Variants in MAML3 observed in about 807,000 individuals in gnomAD.
MAML3 encodes the protein mastermind-like protein 3.
In MAML3, 27 loss-of-function variants were observed where a neutral mutation model predicts 101.9. The observed-to-expected ratio is 0.27, with a 90% confidence interval of 0.20 to 0.37. MAML3 has a LOEUF of 0.37. Ranked by LOEUF, MAML3 falls within the 10% of genes least tolerant of loss-of-function variation. The pLI is 1.00. For synonymous variants in MAML3, 501 were observed against 555.9 expected (o/e 0.90, Z 1.39); for missense variants, 1,316 against 1,444.9 (o/e 0.91, Z 1.45).
intron 2 of MAML3, among the ~76,000 whole-genome samples, chr4:139,862,141 G>A (rs960530024): frequency 3.9e-5 from 6 of 152,156 alleles, no homozygotes; most frequent in South Asian, 2.1e-4. Context: ...CCTGGGAGAC[G>A]GAGGTTGCAG....
chr4:139,730,152 T>TCCTTTCC, intron 3 of MAML3: 1 of 542,428 alleles, frequency 1.8e-6, no homozygotes, highest in Non-Finnish European at 3.3e-6. Context: ...GGAGTCAGAC[T>TCCTTTCC]TGAATCAAAG....
At chr4:139,973,399 G>A (rs1263713772) in intron 1 of MAML3, among the ~76,000 whole-genome samples, 1 of 152,232 alleles carries the variant, frequency 6.6e-6, no homozygotes, top group African/African-American at 2.4e-5. Flanking sequence ...ATTCAAAACA[G>A]TGCTGAATCT....
At chr4:140,103,965 G>T (rs56028824) in intron 1 of MAML3, among the ~76,000 whole-genome samples, 26,690 of 151,964 alleles carry the variant, frequency 0.18, 2,912 homozygotes, top group Middle Eastern at 0.35. Flanking sequence ...CCATCCTATT[G>T]TTCAGGAAAT....
intron 2 of MAML3, among the ~76,000 whole-genome samples, chr4:139,747,712 T>G (rs1432035049): frequency 7.0e-6 from 1 of 143,106 alleles, no homozygotes; most frequent in Non-Finnish European, 1.5e-5. Flanking sequence ...AAAAAAAAAA[T>G]TCCTTGCACA....
Position 139,725,760 on chromosome 4 carries a change from G to C in MAML3, c.2407C>G (p.Gln803Glu), listed in dbSNP as rs372739617. ...GTTGCACTGGCCTCACCTTGAAACT[G>C]ATTGACCTGCTGCACTGGGTATGGA... ...RNPYPVQQVNQFQGSPQDIAA... is the reference protein window; with the variant it reads ...RNPYPVQQVNEFQGSPQDIAA... Residue 803 changes from glutamine (Q) to glutamate (E), a missense_variant, in exon 4 of 5, where the codon CAG becomes GAG. Transcript: ENST00000509479. The C allele has an allele frequency of 6.2e-7, 1 of 1,613,830 alleles. No homozygotes were observed. The highest frequency in any genetic ancestry group is 1.3e-5 in the African/African-American group (1 of 74,916).
chr4:140,126,222 C>T lies in MAML3; in HGVS notation c.468+26638G>A, dbSNP rs564071224. ...GCCACACATATTCAAGGCATTCCAA[C>T]CCCCAAAAGGTTTACCAACTACTTG... On this transcript the variant is annotated intron_variant, in intron 1 of 4. Coordinates refer to ENST00000509479, the MANE Select transcript of MAML3 (RefSeq NM_018717.5). Among the ~76,000 whole-genome samples the T allele has an allele frequency of 6.3e-4, 95 of 150,372 alleles. No homozygotes were observed. In the South Asian group the frequency reaches 0.02, roughly 32 times the overall value.
intron 1 of MAML3, among the ~76,000 whole-genome samples, chr4:140,026,733 T>C (rs773844570): frequency 3.3e-5 from 5 of 152,192 alleles, no homozygotes; most frequent in East Asian, 1.9e-4. Context: ...TCACACTCTA[T>C]GGTAAATTTT....
chr4:139,973,228 A>T (rs1413062587), intron 1 of MAML3, among the ~76,000 whole-genome samples: 6 of 152,296 alleles, frequency 3.9e-5, no homozygotes, highest in Non-Finnish European at 8.8e-5. Flanking sequence ...GTGGGTCACT[A>T]ATATTGGGCT....
intron 1 of MAML3, among the ~76,000 whole-genome samples, chr4:139,907,778 T>C (rs1227350368): frequency 1.3e-5 from 2 of 152,212 alleles, no homozygotes; most frequent in Admixed American, 1.3e-4. Context: ...CAGACAACAA[T>C]GTTGTATCCC....
At chr4:139,772,322 T>C (rs114015668) in intron 2 of MAML3, among the ~76,000 whole-genome samples, 15,495 of 148,140 alleles carry the variant, frequency 0.1, 997 homozygotes, top group Middle Eastern at 0.17. Flanking sequence ...AGTTCACAGA[T>C]ATTTTTAAAG....
chr4:139,982,178 C>T (rs1239102828), intron 1 of MAML3, among the ~76,000 whole-genome samples: 1 of 152,156 alleles, frequency 6.6e-6, no homozygotes, highest in African/African-American at 2.4e-5. Context: ...TTTATTTATA[C>T]CAGTATAGAT....
In MAML3 at chr4:139,781,915, GAATAAT is replaced by G. The variant is rs1358460839; in HGVS notation, c.2080-51254_2080-51249del. On this transcript the variant is annotated intron_variant, in intron 2 of 4. Transcript: ENST00000509479. ...AACCACCCATCTGTGTTCTTTGATA[GAATAAT>G]AATATGAGTGTCAGTTTGGTCCAAC... Among the ~76,000 whole-genome samples the G allele has an allele frequency of 4.7e-4, 72 of 152,280 alleles. 2 individuals carry two copies. The highest frequency in any genetic ancestry group is 1.7e-3 in the African/African-American group (70 of 41,554).
intron 1 of MAML3, among the ~76,000 whole-genome samples, chr4:140,075,270 T>C (rs1198027821): frequency 6.6e-6 from 1 of 152,194 alleles, no homozygotes; most frequent in East Asian, 1.9e-4. Context: ...TTATGTCTCC[T>C]TCCAGTGTCA....
chr4:139,995,645 A>C (rs1449557736), intron 1 of MAML3, among the ~76,000 whole-genome samples: 1 of 152,120 alleles, frequency 6.6e-6, no homozygotes, highest in Non-Finnish European at 1.5e-5. Context: ...CTACCATATA[A>C]TTATTTTAAA....
At chr4:140,004,039 CA>C in intron 1 of MAML3, among the ~76,000 whole-genome samples, 1 of 152,350 alleles carries the variant, frequency 6.6e-6, no homozygotes, top group Non-Finnish European at 1.5e-5. Context: ...AGACTGCACA[CA>C]GGCACTTTAA....
intron 2 of MAML3, among the ~76,000 whole-genome samples, chr4:139,753,092 T>A (rs752510937): frequency 8.5e-5 from 13 of 152,166 alleles, no homozygotes; most frequent in Non-Finnish European, 1.6e-4. Flanking sequence ...GAAAAACAGA[T>A]TTGTAGAAAG....
intron 4 of MAML3, 83 bp downstream of exon 4, chr4:139,725,668 A>G (rs1312636481): frequency 1.5e-6 from 2 of 1,336,522 alleles, no homozygotes; most frequent in African/African-American, 2.9e-5. Context: ...AAATACAGCC[A>G]GTAAGGCAAT....
At chr4:139,841,262 T>C (rs1437520457) in intron 2 of MAML3, among the ~76,000 whole-genome samples, 1 of 152,184 alleles carries the variant, frequency 6.6e-6, no homozygotes, top group East Asian at 1.9e-4. Flanking sequence ...GCAGACCTTT[T>C]GGGCAACGAA....
intron 1 of MAML3, among the ~76,000 whole-genome samples, chr4:140,099,385 C>CTTTT (rs944314263): frequency 1.3e-5 from 2 of 151,968 alleles, no homozygotes; most frequent in African/African-American, 4.8e-5. Context: ...TAGCTATTTT[C>CTTTT]TTTTTTTTCT....
Sources: allele counts gnomAD v4.1 joint callset (sites outside exome capture counted in the v4.1 genomes callset), GRCh38; gene constraint gnomAD v4.1.1; transcripts MANE v1.5; gene names NCBI Gene and HGNC (gene_info 2026-07-23, HGNC 2026-07-21).